The following GKAP1 variants were observed in gnomAD, a reference collection of about 807,000 sequenced individuals.
The protein encoded by GKAP1 is G kinase anchoring protein 1, also known as G kinase-anchoring protein 1.
GKAP1 carries 31 observed loss-of-function variants against 56.7 expected under a neutral mutation model. The ratio of observed to expected loss-of-function variants is 0.55; its 90% confidence interval spans 0.41 to 0.74. The LOEUF (loss-of-function observed/expected upper bound fraction) is 0.74. GKAP1 is among the 30% of genes least tolerant of loss of function. The pLI, the probability that GKAP1 is intolerant of heterozygous loss-of-function variation, is 0.00. For synonymous variants in GKAP1, 151 were observed against 138.6 expected, an observed-to-expected ratio of 1.09 and a Z score of -0.63; for missense variants, 364 against 402.3, an observed-to-expected ratio of 0.90 and a Z score of 0.82.
intron 2 of GKAP1, among the ~76,000 whole-genome samples, chr9:83,812,548 C>T (rs1263752232): frequency 6.6e-6 from 1 of 150,726 alleles, no homozygotes; most frequent in Non-Finnish European, 1.5e-5. Context: ...CCATGTTGCC[C>T]AGGCTGGTCT....
rs548306765 is a variant in GKAP1, at chr9:83,739,896, T to TA, written c.1054-153dup. ...TTGTAAATTTGAGTCTACATACTGTTACATTATTTTAATATGGTTATTTTT... is the reference window on the plus strand; with the variant it reads ...TTGTAAATTTGAGTCTACATACTGTTAACATTATTTTAATATGGTTATTTTT... On this transcript the variant is annotated intron_variant, in intron 12 of 12. Coordinates refer to ENST00000376371, the MANE Select transcript of GKAP1 (RefSeq NM_025211.4). 7.2e-4 allele frequency: 408 copies of TA among 566,706 alleles called. 5 individuals carry two copies. In the Middle Eastern group the frequency reaches 0.013, roughly 18 times the overall value. The allele number at this position is 566,706 out of a possible 1,614,324, so 35.1% of individuals were successfully genotyped here.
At chr9:83,814,588 TC>T (rs1449079905) in intron 2 of GKAP1, among the ~76,000 whole-genome samples, 2 of 152,218 alleles carry the variant, frequency 1.3e-5, no homozygotes, top group Non-Finnish European at 2.9e-5. Context: ...AGAGTTTCTA[TC>T]CCTTACAAAT....
chr9:83,744,571 T>C (rs980976867), intron 10 of GKAP1, among the ~76,000 whole-genome samples: 4 of 152,250 alleles, frequency 2.6e-5, no homozygotes, highest in African/African-American at 9.6e-5. Flanking sequence ...TTTTAACATG[T>C]GTAAAACTGC....
In GKAP1 at chr9:83,788,589, G is replaced by C. The variant is rs749874424; in HGVS notation, c.438+12C>G. ...ACTTCTAAAATATCTAAATCAGTAA[G>C]TATGTAAATACCTTTTTGTGCTCTT... is the stretch of plus-strand genomic sequence containing the variant. On this transcript the variant is annotated intron_variant, in intron 5 of 12. Transcript: ENST00000376371. The C allele has an allele frequency of 2.8e-6, 4 of 1,418,610 alleles. No individual in the cohort carries two copies. In the African/African-American group the frequency reaches 4.2e-5, roughly 15 times the overall value. 87.9% of individuals were successfully genotyped at this position (1,418,610 alleles called of 1,614,324 possible). A position where few individuals can be genotyped will look rare whatever the true frequency, so the allele number is the denominator to read the frequency against.
intron 2 of GKAP1, among the ~76,000 whole-genome samples, chr9:83,812,710 C>T (rs959961923): frequency 4.6e-5 from 7 of 151,480 alleles, no homozygotes; most frequent in Non-Finnish European, 1.0e-4. Context: ...TATCTATACT[C>T]AAGTTGAAAA....
intron 4 of GKAP1, among the ~76,000 whole-genome samples, chr9:83,790,296 C>G (rs1351872012): frequency 6.6e-6 from 1 of 152,142 alleles, no homozygotes; most frequent in Non-Finnish European, 1.5e-5. Context: ...TGAAGAATTA[C>G]TCTGAACTAG....
At chr9:83,757,031 G>A (rs1943489166) in intron 8 of GKAP1, among the ~76,000 whole-genome samples, 1 of 152,134 alleles carries the variant, frequency 6.6e-6, no homozygotes, top group Admixed American at 6.5e-5. Flanking sequence ...ATGCTGACAA[G>A]GGCTCTGTAA....
chr9:83,788,748 T>C (rs1362915345), intron 4 of GKAP1, 70 bp from the exon 5 acceptor site: 9 of 903,948 alleles, frequency 1.0e-5, no homozygotes, highest in Middle Eastern at 2.2e-4. Flanking sequence ...ACCATACATA[T>C]TACTATATAC....
intron 7 of GKAP1, among the ~76,000 whole-genome samples, chr9:83,775,874 C>CAAAAAAA (rs55669011): frequency 1.4e-4 from 6 of 43,692 alleles, no homozygotes; most frequent in Admixed American, 6.1e-4. Context: ...GACTCTGTCT[C>CAAAAAAA]AAAAAAAAAA....
At chr9:83,747,983 C>CT (rs1190918494) in intron 10 of GKAP1, among the ~76,000 whole-genome samples, 2 of 151,836 alleles carry the variant, frequency 1.3e-5, no homozygotes, top group African/African-American at 4.8e-5. Flanking sequence ...TTTGTTGAGT[C>CT]TTTTTTTCAA....
intron 6 of GKAP1, among the ~76,000 whole-genome samples, chr9:83,781,989 G>A (rs1219429123): frequency 6.6e-6 from 1 of 151,212 alleles, no homozygotes; most frequent in Admixed American, 6.6e-5. Context: ...GACTACAGGC[G>A]CGTGCCACCA....
At chr9:83,793,077 G>A (rs1371786986) in intron 4 of GKAP1, 2 of 845,404 alleles carry the variant, frequency 2.4e-6, no homozygotes, top group Non-Finnish European at 3.2e-6. Context: ...CAGTTAAAGA[G>A]TATGAAGAAC....
At chr9:83,792,827 T>C (rs1944184244) in intron 4 of GKAP1, 1 of 190,656 alleles carries the variant, frequency 5.2e-6, no homozygotes, top group Non-Finnish European at 1.1e-5. Flanking sequence ...AAAAGTACCT[T>C]GTTTAAGTTT....
chr9:83,784,354 C>A (rs1237822239), intron 6 of GKAP1, among the ~76,000 whole-genome samples: 2 of 149,738 alleles, frequency 1.3e-5, no homozygotes, highest in Non-Finnish European at 3.0e-5. Context: ...GCTATCAGAG[C>A]TCCACCCTCA....
intron 3 of GKAP1, among the ~76,000 whole-genome samples, chr9:83,803,017 G>A (rs1310052633): frequency 6.6e-6 from 1 of 152,038 alleles, no homozygotes; most frequent in Non-Finnish European, 1.5e-5. Context: ...GCTGAGGTGG[G>A]AGGATCACTT....
intron 10 of GKAP1, among the ~76,000 whole-genome samples, chr9:83,745,293 C>T (rs913759415): frequency 2.6e-5 from 4 of 152,218 alleles, no homozygotes. Flanking sequence ...CTCAACCTCC[C>T]AAAGCTGGGA....
intron 7 of GKAP1, 57 bp downstream of exon 7, chr9:83,780,325 A>C (rs1943948561): frequency 9.9e-7 from 1 of 1,007,924 alleles, no homozygotes; most frequent in Non-Finnish European, 1.5e-6. Flanking sequence ...CTAAGTATTT[A>C]AGTATTATTC....
intron 10 of GKAP1, among the ~76,000 whole-genome samples, chr9:83,744,086 G>C (rs1021502653): frequency 6.6e-6 from 1 of 152,082 alleles, no homozygotes; most frequent in Non-Finnish European, 1.5e-5. Flanking sequence ...ACCCTATCAA[G>C]AATCAATTCA....
intron 2 of GKAP1, among the ~76,000 whole-genome samples, chr9:83,814,521 TTC>T (rs1487116080): frequency 6.6e-6 from 1 of 152,174 alleles, no homozygotes; most frequent in Non-Finnish European, 1.5e-5. Context: ...TCCAAAAAAA[TTC>T]TCTTTATTGT....
Sources: gnomAD v4.1 joint callset for allele counts (sites outside exome capture counted in the v4.1 genomes callset) on GRCh38, gnomAD v4.1.1 for gene constraint, MANE v1.5 for transcripts, NCBI Gene and HGNC (gene_info 2026-07-23, HGNC 2026-07-21) for gene names.